Variants in ADGRL2 observed in about 807,000 individuals in gnomAD.
The protein encoded by ADGRL2 is adhesion G protein-coupled receptor L2.
A neutral mutation model predicts 157.4 loss-of-function variants in ADGRL2; 44 were observed. The observed-to-expected ratio is 0.28, with a 90% CI of 0.22 to 0.36. The LOEUF (loss-of-function observed/expected upper bound fraction) is 0.36, where lower values mean the gene tolerates loss of function less well. Ranked by LOEUF, ADGRL2 falls within the 10% of genes least tolerant of loss-of-function variation. ADGRL2 has a pLI of 1.00. For synonymous variants in ADGRL2, 585 were observed against 624.7 expected (o/e 0.94, Z 0.95); for missense variants, 1,510 against 1,768.9 (o/e 0.85, Z 2.63).
chr1:81,462,311 C>T (rs767148865), intron 2 of ADGRL2, among the ~76,000 whole-genome samples: 1 of 152,114 alleles, frequency 6.6e-6, no homozygotes, highest in Non-Finnish European at 1.5e-5. Context: ...GCTCTGCTGC[C>T]CTTCTATGTT....
intron 2 of ADGRL2, among the ~76,000 whole-genome samples, chr1:81,874,629 CTTGTCT>C: frequency 9.6e-6 from 1 of 104,018 alleles, no homozygotes. Flanking sequence ...CTTGTCTTGT[CTTGTCT>C]TGTCCTGTCC....
intron 2 of ADGRL2, among the ~76,000 whole-genome samples, chr1:81,896,649 T>C (rs576142294): frequency 6.6e-6 from 1 of 152,312 alleles, no homozygotes; most frequent in Non-Finnish European, 1.5e-5. Flanking sequence ...TGAGTATGTT[T>C]AACATCTTCT....
chr1:81,500,526 CA>C (rs2078823745), intron 2 of ADGRL2, among the ~76,000 whole-genome samples: 1 of 152,092 alleles, frequency 6.6e-6, no homozygotes, highest in African/African-American at 2.4e-5. Flanking sequence ...TGAAGATATG[CA>C]AAGTGAAATA....
chr1:81,690,362 G>A (rs1325321570), intron 3 of ADGRL2, among the ~76,000 whole-genome samples: 1 of 152,138 alleles, frequency 6.6e-6, no homozygotes, highest in Non-Finnish European at 1.5e-5. Context: ...GCATGGTGGT[G>A]CATGCCTGTA....
intron 2 of ADGRL2, among the ~76,000 whole-genome samples, chr1:81,447,217 A>G (rs1036317541): frequency 5.3e-5 from 8 of 152,070 alleles, no homozygotes; most frequent in African/African-American, 1.9e-4. Context: ...ACTTACGTGA[A>G]TTTTTTTCTT....
chr1:81,372,306 C>T (rs750228637), intron 1 of ADGRL2, among the ~76,000 whole-genome samples: 12 of 152,108 alleles, frequency 7.9e-5, no homozygotes, highest in Non-Finnish European at 1.8e-4. Flanking sequence ...AATATTGGTA[C>T]ATTTAGAGCT....
At chr1:81,558,010 T>A (rs1301733133) in intron 2 of ADGRL2, among the ~76,000 whole-genome samples, 4 of 152,234 alleles carry the variant, frequency 2.6e-5, no homozygotes, top group Non-Finnish European at 5.9e-5. Context: ...TGAAATCGCC[T>A]GTTGAATGTC....
intron 1 of ADGRL2, among the ~76,000 whole-genome samples, chr1:81,317,686 A>G (rs374514382): frequency 3.3e-5 from 5 of 152,210 alleles, no homozygotes; most frequent in African/African-American, 7.2e-5. Flanking sequence ...TTGAGGGATA[A>G]ATAAGTAAAT....
intron 1 of ADGRL2, among the ~76,000 whole-genome samples, chr1:81,746,907 C>CGT (rs2085270174): frequency 6.7e-6 from 1 of 149,590 alleles, no homozygotes; most frequent in Non-Finnish European, 1.5e-5. Flanking sequence ...TATATACACA[C>CGT]GTGCACACGT....
intron 3 of ADGRL2, among the ~76,000 whole-genome samples, chr1:81,600,840 T>C (rs1029209197): frequency 1.2e-4 from 19 of 152,352 alleles, no homozygotes; most frequent in African/African-American, 4.6e-4. Context: ...AACCTGGAGA[T>C]AGAATATCAG....
chr1:81,533,103 G>T (rs1249350817), intron 2 of ADGRL2, among the ~76,000 whole-genome samples: 1 of 152,124 alleles, frequency 6.6e-6, no homozygotes, highest in Non-Finnish European at 1.5e-5. Flanking sequence ...GGGTGGCCAG[G>T]TGTGGTGGCT....
chr1:81,482,340 C>T (rs1047816236), intron 2 of ADGRL2, among the ~76,000 whole-genome samples: 5 of 152,068 alleles, frequency 3.3e-5, no homozygotes, highest in Non-Finnish European at 5.9e-5. Context: ...TCATTGTGTC[C>T]TTAAAAATGT....
intron 7 of ADGRL2, 143 bp from the exon 8 acceptor site, chr1:81,950,875 C>T (rs1651555883): frequency 3.2e-6 from 2 of 618,628 alleles, no homozygotes; most frequent in Non-Finnish European, 5.9e-6. Flanking sequence ...GCATTATACC[C>T]TACTTTTTGT....
At chr1:81,699,730 T>C (rs142767810), upstream of ADGRL2, 1 of 152,346 alleles carries the variant, frequency 6.6e-6, no homozygotes, top group Non-Finnish European at 1.5e-5. Context: ...AATACTCTTT[T>C]CTCACTTGTT....
chr1:81,361,159 C>T (rs991167477), intron 1 of ADGRL2, among the ~76,000 whole-genome samples: 9 of 151,958 alleles, frequency 5.9e-5, no homozygotes, highest in African/African-American at 1.9e-4. Context: ...GGGCATCATT[C>T]GTTAGATGAT....
chr1:81,810,432 G>A (rs971305443), intron 1 of ADGRL2, among the ~76,000 whole-genome samples: 10 of 151,718 alleles, frequency 6.6e-5, no homozygotes, highest in African/African-American at 2.2e-4. Context: ...CCATCCATAC[G>A]GAAATTTTCT....
chr1:81,830,574 C>G (rs565804743), intron 1 of ADGRL2, among the ~76,000 whole-genome samples: 1 of 152,132 alleles, frequency 6.6e-6, no homozygotes, highest in East Asian at 1.9e-4. Flanking sequence ...GTGGCCTCAT[C>G]TCTGCTCACT....
intron 11 of ADGRL2, among the ~76,000 whole-genome samples, chr1:81,962,271 T>C (rs1655674378): frequency 6.6e-6 from 1 of 152,198 alleles, no homozygotes; most frequent in South Asian, 2.1e-4. Context: ...TTTCCGTGAT[T>C]GCTTCATGTT....
chr1:81,710,342 T>C (rs538064413), intron 1 of ADGRL2, among the ~76,000 whole-genome samples: 1 of 152,120 alleles, frequency 6.6e-6, no homozygotes, highest in Admixed American at 6.5e-5. Flanking sequence ...CTAAGAACTC[T>C]TGTGAGGCAT....
Sources: allele counts gnomAD v4.1 joint callset (sites outside exome capture counted in the v4.1 genomes callset), GRCh38; gene constraint gnomAD v4.1.1; transcripts MANE v1.5; gene names NCBI Gene and HGNC (gene_info 2026-07-23, HGNC 2026-07-21).